SH3GL2: variants seen among roughly 807,000 people sequenced by gnomAD.
The protein encoded by SH3GL2 is SH3 domain containing GRB2 like 2, endophilin A1.
A neutral mutation model predicts 46.0 loss-of-function variants in SH3GL2; 24 were observed. The ratio of observed to expected loss-of-function variants is 0.52; its 90% CI spans 0.38 to 0.73. The LOEUF (loss-of-function observed/expected upper bound fraction) is 0.73, where lower values mean the gene tolerates loss of function less well. Ranked by LOEUF, SH3GL2 falls within the 30% of genes least tolerant of loss-of-function variation. The probability of loss-of-function intolerance (pLI) is 0.00; values close to 1 mark genes in which losing one functional copy is unlikely to be tolerated. For missense variants in SH3GL2, 413 were observed against 424.2 expected, an observed-to-expected ratio of 0.97 and a Z score of 0.23; for synonymous variants, 196 against 147.1, an observed-to-expected ratio of 1.33 and a Z score of -2.40.
intron 1 of SH3GL2, among the ~76,000 whole-genome samples, chr9:17,640,737 A>G (rs1240666345): frequency 6.6e-6 from 1 of 152,232 alleles, no homozygotes; most frequent in Non-Finnish European, 1.5e-5. Flanking sequence ...GTTTATTTGA[A>G]AAGTATTTAT....
chr9:17,684,498 C>A (rs769596142), intron 1 of SH3GL2, among the ~76,000 whole-genome samples: 11 of 152,100 alleles, frequency 7.2e-5, no homozygotes, highest in Middle Eastern at 3.4e-3. Flanking sequence ...TAATTAGAAT[C>A]CCAGAATGAG....
intron 1 of SH3GL2, among the ~76,000 whole-genome samples, chr9:17,670,856 C>T (rs552853572): frequency 1.3e-5 from 2 of 152,128 alleles, no homozygotes; most frequent in African/African-American, 2.4e-5. Context: ...GTAACAGATT[C>T]ACCTGGAAGG....
intron 1 of SH3GL2, among the ~76,000 whole-genome samples, chr9:17,609,646 A>G (rs1448936883): frequency 6.6e-6 from 1 of 152,252 alleles, no homozygotes; most frequent in East Asian, 1.9e-4. Flanking sequence ...AGGTTTGTGA[A>G]TATACAACGT....
chr9:17,795,746 T>C lies in SH3GL2; in HGVS notation c.*3T>C. ...TTCTGGTTGCCCTGCCCCATTAGGA[T>C]GTTATGCTGGCTGGCTCGCCTCCTC... On this transcript the variant is annotated 3_prime_UTR_variant, in exon 9 of 9. Coordinates refer to ENST00000380607, the MANE Select transcript of SH3GL2 (RefSeq NM_003026.5). 1 of 1,612,050 alleles carries C rather than the reference T, an allele frequency of 6.2e-7. No homozygotes were observed. The highest frequency in any genetic ancestry group is 8.5e-7 in the Non-Finnish European group (1 of 1,178,512).
intron 1 of SH3GL2, among the ~76,000 whole-genome samples, chr9:17,640,929 A>C (rs1819665502): frequency 6.6e-6 from 1 of 152,190 alleles, no homozygotes; most frequent in African/African-American, 2.4e-5. Context: ...TTTCTAGGGA[A>C]GAATGTAAAT....
chr9:17,673,143 TTTTTTTTG>T (rs1317472751), intron 1 of SH3GL2, among the ~76,000 whole-genome samples: 2 of 151,414 alleles, frequency 1.3e-5, no homozygotes, highest in Non-Finnish European at 2.9e-5. Context: ...CACCTTGACT[TTTTTTTTG>T]TTTGTTTGTT....
At chr9:17,726,713 A>G (rs935674259) in intron 1 of SH3GL2, among the ~76,000 whole-genome samples, 8 of 152,190 alleles carry the variant, frequency 5.3e-5, no homozygotes, top group Admixed American at 4.6e-4. Flanking sequence ...AGCATTAAAG[A>G]TATTCCACCT....
chr9:17,768,977 G>A (rs1381027833), intron 3 of SH3GL2, among the ~76,000 whole-genome samples: 1 of 152,168 alleles, frequency 6.6e-6, no homozygotes, highest in Non-Finnish European at 1.5e-5. Context: ...CTCCTTCTGA[G>A]CTAGCCTTCC....
intron 1 of SH3GL2, among the ~76,000 whole-genome samples, chr9:17,595,714 A>G (rs1436000245): frequency 2.0e-5 from 3 of 152,202 alleles, no homozygotes; most frequent in Non-Finnish European, 4.4e-5. Context: ...CTATAGGGCA[A>G]TATTTATTGC....
At position 17,795,599 on chromosome 9, in the gene SH3GL2, T is replaced by C. The variant is rs1397262092; in HGVS notation, c.915T>C (p.Asn305=). 1 of 1,613,730 alleles carries C rather than the reference T, an allele frequency of 6.2e-7. No individual in the cohort carries two copies. The highest frequency in any genetic ancestry group is 1.7e-5 in the Admixed American group (1 of 59,972). ...CTCTGTACGACTTTGAACCTGAAAATGAAGGGGAGTTGGGATTTAAAGAGG... is the reference window on the plus strand; with the variant it reads ...CTCTGTACGACTTTGAACCTGAAAACGAAGGGGAGTTGGGATTTAAAGAGG... ...CRALYDFEPE[N]EGELGFKEGD... Residue 305 remains asparagine (N), a synonymous_variant, in exon 9 of 9, where the codon AAT becomes AAC. Coordinates refer to ENST00000380607, the MANE Select transcript of SH3GL2 (RefSeq NM_003026.5).
chr9:17,717,395 T>A (rs1042232359), intron 1 of SH3GL2, among the ~76,000 whole-genome samples: 1 of 151,492 alleles, frequency 6.6e-6, no homozygotes, highest in Non-Finnish European at 1.5e-5. Flanking sequence ...ATGAAATTAA[T>A]CTTTTTTCCC....
intron 1 of SH3GL2, among the ~76,000 whole-genome samples, chr9:17,683,871 C>T (rs903212622): frequency 4.6e-5 from 7 of 152,086 alleles, no homozygotes; most frequent in African/African-American, 1.2e-4. Context: ...CTGTGATGTG[C>T]AGAGGCTAAT....
chr9:17,632,580 T>C (rs1819456669), intron 1 of SH3GL2, among the ~76,000 whole-genome samples: 1 of 152,228 alleles, frequency 6.6e-6, no homozygotes, highest in South Asian at 2.1e-4. Flanking sequence ...TATTTTTGCC[T>C]ATGTTTTTCT....
chr9:17,687,569 C>T (rs905577732), intron 1 of SH3GL2, among the ~76,000 whole-genome samples: 1 of 152,036 alleles, frequency 6.6e-6, no homozygotes, highest in Non-Finnish European at 1.5e-5. Context: ...GCATGTTCTT[C>T]ATAGTATAGT....
intron 3 of SH3GL2, among the ~76,000 whole-genome samples, chr9:17,778,256 T>C (rs1167239749): frequency 2.6e-5 from 4 of 152,174 alleles, no homozygotes; most frequent in Admixed American, 2.6e-4. Flanking sequence ...ATCTTCCACG[T>C]TTACTCTAAG....
In SH3GL2 at chr9:17,789,427, T is replaced by C. The variant is rs756197605; in HGVS notation, c.501T>C (p.Asp167=). The stretch of plus-strand genomic sequence containing the variant: ...AGAAGTTGGAGGGTCGACGCCTGGA[T>C]TTTGATTATAAGAAGAAACGACAAG... The part of the protein sequence containing the change: ...HLKKLEGRRL[D]FDYKKKRQGK... The change falls in exon 6 of 9, where the codon GAT becomes GAC. Residue 167 remains aspartate, a synonymous_variant. Transcript: ENST00000380607. The C allele has an allele frequency of 4.9e-5, 79 of 1,613,370 alleles. No individual in the cohort carries two copies. The highest frequency in any genetic ancestry group is 6.4e-5 in the Non-Finnish European group (76 of 1,179,604).
At chr9:17,620,466 A>C in intron 1 of SH3GL2, among the ~76,000 whole-genome samples, 1 of 152,204 alleles carries the variant, frequency 6.6e-6, no homozygotes, top group African/African-American at 2.4e-5. Flanking sequence ...TATTGTATCC[A>C]TTTAACTGAT....
intron 1 of SH3GL2, chr9:17,735,791 A>G: frequency 2.1e-6 from 2 of 958,410 alleles, no homozygotes; most frequent in South Asian, 9.7e-5. Flanking sequence ...CATAATAGGA[A>G]AGAAGGGCTT....
At chr9:17,589,568 A>C (rs1818443414) in intron 1 of SH3GL2, 1 of 152,142 alleles carries the variant, frequency 6.6e-6, no homozygotes, top group Non-Finnish European at 1.5e-5. Flanking sequence ...ATCTGCAAAG[A>C]AGTTTCTGAA....
Sources: allele counts gnomAD v4.1 joint callset (sites outside exome capture counted in the v4.1 genomes callset), GRCh38; gene constraint gnomAD v4.1.1; transcripts MANE v1.5; gene names NCBI Gene and HGNC (gene_info 2026-07-23, HGNC 2026-07-21).